Variants in SENP2 observed in about 807,000 individuals in gnomAD.
SENP2 encodes sentrin-specific protease 2.
A neutral mutation model predicts 86.3 loss-of-function variants in SENP2; 16 were observed. That is an observed-to-expected ratio of 0.19 (90% confidence interval 0.13 to 0.28). The LOEUF is 0.28. SENP2 is among the 10% of genes least tolerant of loss of function. SENP2 has a pLI of 1.00. For missense variants in SENP2, 552 were observed against 703.0 expected, an observed-to-expected ratio of 0.79 and a Z score of 2.43; for synonymous variants, 222 against 238.7, an observed-to-expected ratio of 0.93 and a Z score of 0.64.
intron 2 of SENP2, among the ~76,000 whole-genome samples, chr3:185,594,174 A>AC (rs976103833): frequency 1.1e-4 from 17 of 152,044 alleles, no homozygotes; most frequent in Admixed American, 3.9e-4. Flanking sequence ...TTAAAAAAAA[A>AC]AAACACACAC....
In SENP2 at chr3:185,611,693, G is replaced by C; in HGVS notation, c.765G>C (p.Trp255Cys). The change falls in exon 8 of 17, where the codon TGG becomes TGC. Residue 255 changes from tryptophan (W) to cysteine (C), a missense_variant. Trp to Cys is a radical substitution (Grantham distance 215). Around this residue, in one of 2 missense-constraint regions of SENP2, gnomAD observed 383 missense variants for 427.3 expected, o/e 0.90. Coordinates refer to ENST00000296257, the MANE Select transcript of SENP2 (RefSeq NM_021627.3). ...SQMDTLKTKG[W>C]GEEQNHGVKT... ...TGGACACATTAAAGACCAAAGGCTG[G>C]GGGGAAGAGCAAAATCACGGAGTCA... 6.2e-7 allele frequency: 1 copy of C among 1,613,650 alleles called. No homozygotes were observed. Among genetic ancestry groups the C allele is most frequent in the Non-Finnish European group, 8.5e-7 (1 of 1,179,876 alleles).
intron 5 of SENP2, among the ~76,000 whole-genome samples, chr3:185,604,099 C>T (rs569422303): frequency 5.9e-5 from 9 of 151,986 alleles, no homozygotes; most frequent in East Asian, 3.9e-4. Flanking sequence ...CCAGCCTGGG[C>T]GACACAGTGA....
At chr3:185,596,369 C>G (rs1722173103) in intron 2 of SENP2, among the ~76,000 whole-genome samples, 1 of 151,976 alleles carries the variant, frequency 6.6e-6, no homozygotes. Flanking sequence ...CCTGTAATCT[C>G]AGCACTTTGG....
chr3:185,614,817 T>A, intron 11 of SENP2, 77 bp downstream of exon 11: 1 of 1,427,176 alleles, frequency 7.0e-7, no homozygotes, highest in South Asian at 1.2e-5. Flanking sequence ...AATGTTTTGT[T>A]TTGAGGACTT....
chr3:185,605,044 G>C (rs1370538803), intron 5 of SENP2, among the ~76,000 whole-genome samples: 11 of 150,068 alleles, frequency 7.3e-5, no homozygotes, highest in Admixed American at 7.3e-4. Flanking sequence ...GTGAGCCACC[G>C]CGCCTGGCCG....
At chr3:185,614,451 T>G in intron 10 of SENP2, 113 bp from the exon 11 acceptor site, 1 of 1,041,488 alleles carries the variant, frequency 9.6e-7, no homozygotes, top group Non-Finnish European at 1.4e-6. Flanking sequence ...TTGGGGGATT[T>G]GCTAATTCTC....
chr3:185,611,778 A>T (rs755831977), intron 8 of SENP2, 33 bp downstream of exon 8: 2 of 1,456,474 alleles, frequency 1.4e-6, no homozygotes, highest in Non-Finnish European at 1.9e-6. Context: ...GTCTTAATAT[A>T]TTGACCTTAG....
intron 1 of SENP2, among the ~76,000 whole-genome samples, chr3:185,587,320 A>G (rs1346654686): frequency 2.0e-5 from 3 of 151,664 alleles, no homozygotes; most frequent in Non-Finnish European, 4.4e-5. Context: ...TTTAGTAGAG[A>G]TGGGGTTTCA....
intron 2 of SENP2, among the ~76,000 whole-genome samples, chr3:185,597,132 G>A (rs1722200874): frequency 6.6e-6 from 1 of 152,126 alleles, no homozygotes; most frequent in Non-Finnish European, 1.5e-5. Flanking sequence ...GATTACAGGC[G>A]TGAGCAACCA....
Position 185,592,011 on chromosome 3 carries a change from C to CT in SENP2, c.157+1865dup, listed in dbSNP as rs149268515. Among the ~76,000 whole-genome samples, 20 of 65,798 alleles carry CT rather than the reference C, an allele frequency of 3.0e-4. 1 individual carries two copies. Among genetic ancestry groups the CT allele is most frequent in the East Asian group, 1.5e-3 (3 of 1,964 alleles). 43.2% of individuals were successfully genotyped at this position (65,798 alleles called of 152,430 possible). On this transcript the variant is annotated intron_variant, in intron 2 of 16. Transcript: ENST00000296257. ...CTGTCTTTAAGAACCGGTAATATTT[C>CT]TTTTTTTTTTTTTTTTTTTTTTTGA...
chr3:185,625,755 A>G (rs1712116812), intron 15 of SENP2, among the ~76,000 whole-genome samples: 1 of 152,124 alleles, frequency 6.6e-6, no homozygotes, highest in Non-Finnish European at 1.5e-5. Context: ...CAGTAGTCTT[A>G]TTTTCTTAGC....
intron 5 of SENP2, among the ~76,000 whole-genome samples, chr3:185,605,510 A>G (rs1272619725): frequency 6.6e-6 from 1 of 152,166 alleles, no homozygotes; most frequent in African/African-American, 2.4e-5. Flanking sequence ...TTCCTAATAC[A>G]GGATCCAGTG....
Position 185,614,698 on chromosome 3 carries a change from A to G in SENP2, c.1068A>G (p.Lys356=). 6.2e-7 allele frequency: 1 copy of G among 1,614,246 alleles called. No individual in the cohort carries two copies. Among genetic ancestry groups the G allele is most frequent in the Middle Eastern group, 1.6e-4 (1 of 6,062 alleles). Residue 356 remains lysine (K), a synonymous_variant, in exon 11 of 17, where the codon AAA becomes AAG. Transcript: ENST00000296257. The part of the protein sequence containing the change: ...IETKEKNCSG[K]ERDRRTDDLL... Reference sequence around the variant, plus strand: ...CAAAGGAAAAGAATTGCTCAGGCAAAGAGAGGGACAGAAGAACGGACGATC... The same window carrying G: ...CAAAGGAAAAGAATTGCTCAGGCAAGGAGAGGGACAGAAGAACGGACGATC...
At chr3:185,591,930 C>T (rs1577716864) in intron 2 of SENP2, among the ~76,000 whole-genome samples, 1 of 146,472 alleles carries the variant, frequency 6.8e-6, no homozygotes, top group Admixed American at 7.0e-5. Flanking sequence ...GAAACAGGGT[C>T]TTGCCACATT....
chr3:185,618,233 C>G (rs977348238), intron 12 of SENP2, among the ~76,000 whole-genome samples: 3 of 152,282 alleles, frequency 2.0e-5, no homozygotes, highest in Non-Finnish European at 4.4e-5. Context: ...CGTGAGCCAC[C>G]GTGCCTGGCC....
intron 2 of SENP2, among the ~76,000 whole-genome samples, chr3:185,591,555 G>A (rs1254902107): frequency 1.3e-5 from 2 of 151,786 alleles, no homozygotes; most frequent in African/African-American, 4.8e-5. Context: ...GTTTCACCAT[G>A]TTAGCCAGGA....
chr3:185,614,456 A>C (rs1711525472), intron 10 of SENP2, 108 bp from the exon 11 acceptor site: 1 of 1,088,116 alleles, frequency 9.2e-7, no homozygotes. Flanking sequence ...GGATTTGCTA[A>C]TTCTCTTTTC....
At chr3:185,608,873 A>G (rs1046985491) in intron 6 of SENP2, 3 of 158,304 alleles carry the variant, frequency 1.9e-5, no homozygotes, top group Non-Finnish European at 2.8e-5. Context: ...GGTGAGGCCA[A>G]TTCATTTTGG....
intron 7 of SENP2, 109 bp from the exon 8 acceptor site, chr3:185,611,542 A>G (rs1722685250): frequency 3.2e-6 from 2 of 626,994 alleles, no homozygotes; most frequent in South Asian, 3.8e-5. Flanking sequence ...TTGATATAAT[A>G]GTGTAATCAA....
Sources: allele counts gnomAD v4.1 joint callset (sites outside exome capture counted in the v4.1 genomes callset), GRCh38; gene constraint gnomAD v4.1.1; regional missense constraint gnomAD v4.1.1; transcripts MANE v1.5; gene names NCBI Gene and HGNC (gene_info 2026-07-23, HGNC 2026-07-21).